Variants in RBFOX1 observed in about 807,000 individuals in gnomAD.
RBFOX1 encodes RNA binding fox-1 homolog 1, also known as RNA binding protein fox-1 homolog 1.
In RBFOX1, 8 loss-of-function variants were observed where a neutral mutation model predicts 57.7. The ratio of observed to expected loss-of-function variants is 0.14; its 90% confidence interval spans 0.08 to 0.25. The LOEUF is 0.25. RBFOX1 is among the 10% of genes least tolerant of loss of function. RBFOX1 has a pLI of 1.00. For missense variants in RBFOX1, 611 were observed against 548.5 expected (o/e 1.11, Z -1.14); for synonymous variants, 326 against 222.4 (o/e 1.47, Z -4.15).
intron 1 of RBFOX1, among the ~76,000 whole-genome samples, chr16:5,356,642 C>G (rs921979735): frequency 6.6e-6 from 1 of 151,990 alleles, no homozygotes; most frequent in Non-Finnish European, 1.5e-5. Context: ...AATGAATGAG[C>G]GAACACCAAA....
chr16:6,947,977 T>A (rs180911109), intron 3 of RBFOX1, among the ~76,000 whole-genome samples: 5 of 152,062 alleles, frequency 3.3e-5, no homozygotes, highest in African/African-American at 9.7e-5. Context: ...CAGGCTCTTA[T>A]CACGTTTGCC....
chr16:6,599,887 G>A (rs907050249), intron 2 of RBFOX1, among the ~76,000 whole-genome samples: 1 of 152,188 alleles, frequency 6.6e-6, no homozygotes, highest in Non-Finnish European at 1.5e-5. Context: ...ACAGCACCCT[G>A]CACATAGTAA....
chr16:6,542,345 G>T (rs941379855), intron 2 of RBFOX1, among the ~76,000 whole-genome samples: 1 of 152,048 alleles, frequency 6.6e-6, no homozygotes, highest in Non-Finnish European at 1.5e-5. Flanking sequence ...ATTGTGGGGT[G>T]TTCTAAATGC....
At chr16:5,662,461 A>G (rs370956228) in intron 3 of RBFOX1, among the ~76,000 whole-genome samples, 83 of 152,300 alleles carry the variant, frequency 5.4e-4, no homozygotes, top group African/African-American at 1.9e-3. Context: ...CCATACACTC[A>G]TAAGAAAATG....
chr16:5,826,077 T>C (rs1201414165), intron 3 of RBFOX1, among the ~76,000 whole-genome samples: 21 of 148,344 alleles, frequency 1.4e-4, no homozygotes, highest in African/African-American at 4.7e-4. Flanking sequence ...GAATAAGGAA[T>C]AATATTCCTT....
intron 4 of RBFOX1, among the ~76,000 whole-genome samples, chr16:7,205,904 C>A (rs1158495062): frequency 6.6e-6 from 1 of 152,154 alleles, no homozygotes; most frequent in East Asian, 1.9e-4. Context: ...TTAGTGGTGT[C>A]CCCACTTCGG....
At chr16:6,128,732 T>C (rs1387948913) in intron 1 of RBFOX1, among the ~76,000 whole-genome samples, 1 of 152,186 alleles carries the variant, frequency 6.6e-6, no homozygotes, top group Non-Finnish European at 1.5e-5. Context: ...GTGACAGACT[T>C]CACCGGAGAT....
In RBFOX1 at chr16:6,983,290, T is replaced by TCTATC. The variant is rs2089438425; in HGVS notation, c.-15-68765_-15-68761dup. On this transcript the variant is annotated intron_variant, in intron 3 of 15. Transcript: ENST00000550418. ...ACTGCATTAGAATGATGTGCAGTTGTCTATCCAATGAGTTTTGTCCATTAT... is the reference window on the plus strand; with the variant it reads ...ACTGCATTAGAATGATGTGCAGTTGTCTATCCTATCCAATGAGTTTTGTCCATTAT... 1.3e-5 allele frequency among the ~76,000 whole-genome samples: 2 copies of TCTATC among 152,142 alleles called. 1 individual carries two copies. The highest frequency in any genetic ancestry group is 4.1e-4 in the South Asian group (2 of 4,824).
intron 4 of RBFOX1, among the ~76,000 whole-genome samples, chr16:7,391,737 C>T (rs1056294610): frequency 4.6e-5 from 7 of 152,170 alleles, no homozygotes; most frequent in Non-Finnish European, 7.3e-5. Context: ...TCCTACGCAT[C>T]CTCAGCATAT....
intron 3 of RBFOX1, among the ~76,000 whole-genome samples, chr16:5,660,774 G>C (rs969116925): frequency 6.6e-6 from 1 of 152,150 alleles, no homozygotes; most frequent in African/African-American, 2.4e-5. Flanking sequence ...CTATGCCGGA[G>C]AGGTGAGCTG....
intron 1 of RBFOX1, among the ~76,000 whole-genome samples, chr16:6,261,190 C>T (rs2097699432): frequency 1.3e-5 from 2 of 152,184 alleles, no homozygotes; most frequent in South Asian, 4.1e-4. Context: ...GTTTGGCTTT[C>T]ACATTCCCAG....
intron 4 of RBFOX1, among the ~76,000 whole-genome samples, chr16:7,281,593 G>C (rs938797984): frequency 5.3e-5 from 8 of 152,188 alleles, no homozygotes; most frequent in Admixed American, 4.6e-4. Flanking sequence ...TCTGGTGTTG[G>C]AAGTCAGAGA....
At chr16:6,766,189 A>G (rs1002248308) in intron 3 of RBFOX1, among the ~76,000 whole-genome samples, 30 of 152,184 alleles carry the variant, frequency 2.0e-4, no homozygotes, top group Non-Finnish European at 2.8e-4. Flanking sequence ...AGAAAAAAAA[A>G]GACATGAATA....
rs567063997 is a variant in RBFOX1, at chr16:5,489,504, G to A, written c.258+22250G>A. ...CTTCCCAGCTGTCTGACCTTGGGCA[G>A]GATGATGTCCTTGTTTTTCCTTTTT... On this transcript the variant is annotated intron_variant, in intron 2 of 2. Coordinates refer to the RBFOX1 transcript ENST00000585867. Among the ~76,000 whole-genome samples the A allele has an allele frequency of 5.3e-5, 8 of 152,316 alleles. No homozygotes were observed. The South Asian group carries it at 1.7e-3, about 32-fold the overall frequency.
intron 4 of RBFOX1, among the ~76,000 whole-genome samples, chr16:7,259,729 A>T (rs934515650): frequency 6.6e-6 from 1 of 152,224 alleles, no homozygotes; most frequent in African/African-American, 2.4e-5. Flanking sequence ...ATGAACTTGT[A>T]GTAACAATGC....
chr16:6,691,371 C>G (rs761600999), intron 3 of RBFOX1, among the ~76,000 whole-genome samples: 1 of 152,186 alleles, frequency 6.6e-6, no homozygotes, highest in African/African-American at 2.4e-5. Context: ...CTTCACTCTT[C>G]TCTGTCCATT....
At chr16:7,071,557 C>T (rs1476800095) in intron 4 of RBFOX1, among the ~76,000 whole-genome samples, 2 of 150,678 alleles carry the variant, frequency 1.3e-5, no homozygotes, top group Admixed American at 6.7e-5. Context: ...GTTGGGGTCA[C>T]AACTGACCCC....
chr16:6,794,602 A>G (rs113919136), intron 3 of RBFOX1, among the ~76,000 whole-genome samples: 50 of 152,280 alleles, frequency 3.3e-4, no homozygotes, highest in African/African-American at 1.0e-3. Flanking sequence ...AGTGACCTAC[A>G]TATAAATCAT....
chr16:6,509,478 C>A (rs7198002), intron 2 of RBFOX1, among the ~76,000 whole-genome samples: 130,251 of 152,084 alleles, frequency 0.86, 55,903 homozygotes, highest in Non-Finnish European at 0.89. Flanking sequence ...TGGGAGCTAA[C>A]ACTTAAAATA....
Sources: gnomAD v4.1 joint callset for allele counts (sites outside exome capture counted in the v4.1 genomes callset) on GRCh38, gnomAD v4.1.1 for gene constraint, MANE v1.5 for transcripts, NCBI Gene and HGNC (gene_info 2026-07-23, HGNC 2026-07-21) for gene names.